The following CDH13 variants were observed in gnomAD, a reference collection of about 807,000 sequenced individuals.
The protein encoded by CDH13 is cadherin-13.
Under a neutral mutation model 63.8 loss-of-function variants are expected in CDH13, and 24 were observed. The observed-to-expected ratio is 0.38, with a 90% CI of 0.27 to 0.53. CDH13 has a LOEUF of 0.53. Ranked by LOEUF, CDH13 falls within the 20% of genes least tolerant of loss-of-function variation. The pLI is 0.85. For missense variants in CDH13, 1,049 were observed against 903.1 expected, an observed-to-expected ratio of 1.16 and a Z score of -2.07; for synonymous variants, 503 against 355.3, an observed-to-expected ratio of 1.42 and a Z score of -4.67.
chr16:83,488,914 T>C (rs1748597716), intron 7 of CDH13, among the ~76,000 whole-genome samples: 1 of 152,308 alleles, frequency 6.6e-6, no homozygotes, highest in African/African-American at 2.4e-5. Context: ...GATGAGCCAC[T>C]GCGCCCGGCC....
intron 6 of CDH13, among the ~76,000 whole-genome samples, chr16:83,353,167 G>A (rs11864066): frequency 1.3e-5 from 2 of 152,112 alleles, no homozygotes; most frequent in African/African-American, 4.8e-5. Context: ...CAAGACGTCA[G>A]CACTCTGCCA....
chr16:83,671,350 G>A (rs1260030557), intron 9 of CDH13, among the ~76,000 whole-genome samples: 2 of 152,158 alleles, frequency 1.3e-5, no homozygotes, highest in Non-Finnish European at 2.9e-5. Context: ...CTAGGTTCAA[G>A]TGATTCTCGT....
At chr16:82,878,921 A>G (rs764552540) in intron 2 of CDH13, among the ~76,000 whole-genome samples, 7 of 152,114 alleles carry the variant, frequency 4.6e-5, no homozygotes, top group Non-Finnish European at 8.8e-5. Context: ...GCTGCATGAG[A>G]TCCTCACCTT....
intron 4 of CDH13, among the ~76,000 whole-genome samples, chr16:83,125,862 G>C (rs1482279860): frequency 6.6e-6 from 1 of 152,116 alleles, no homozygotes; most frequent in African/African-American, 2.4e-5. Flanking sequence ...CCTTCACTGA[G>C]ATCCTGTTTT....
At chr16:82,910,680 T>C (rs921261897) in intron 2 of CDH13, among the ~76,000 whole-genome samples, 2 of 152,216 alleles carry the variant, frequency 1.3e-5, no homozygotes, top group Admixed American at 6.5e-5. Flanking sequence ...CACAGGTGTT[T>C]AGTGGTACTT....
chr16:83,220,035 A>C (rs2039649994), intron 5 of CDH13, among the ~76,000 whole-genome samples: 1 of 152,154 alleles, frequency 6.6e-6, no homozygotes, highest in African/African-American at 2.4e-5. Context: ...TTTCTTACAC[A>C]AGTACTTGGG....
chr16:83,714,444 G>A (rs985108094), intron 10 of CDH13, among the ~76,000 whole-genome samples: 1 of 152,176 alleles, frequency 6.6e-6, no homozygotes, highest in African/African-American at 2.4e-5. Flanking sequence ...GTGAGCTCAA[G>A]TGTGTTTTCA....
At chr16:83,414,960 G>A (rs1215310741) in intron 6 of CDH13, among the ~76,000 whole-genome samples, 1 of 151,960 alleles carries the variant, frequency 6.6e-6, no homozygotes, top group Admixed American at 6.6e-5. Context: ...GTGGGTTGCT[G>A]GGTCATATGG....
intron 10 of CDH13, chr16:83,725,829 T>C (rs1334546997): frequency 1.3e-5 from 2 of 152,240 alleles, no homozygotes; most frequent in Non-Finnish European, 2.9e-5. Flanking sequence ...CTTTCTGAGC[T>C]GGACAGAATA....
intron 1 of CDH13, among the ~76,000 whole-genome samples, chr16:82,645,685 A>C (rs1910006355): frequency 6.6e-6 from 1 of 152,190 alleles, no homozygotes. Context: ...TCCTGTTATT[A>C]CTAGGAGGCT....
At chr16:83,372,701 G>A (rs1282104158) in intron 6 of CDH13, among the ~76,000 whole-genome samples, 6 of 148,444 alleles carry the variant, frequency 4.0e-5, no homozygotes, top group East Asian at 2.0e-4. Context: ...GCAGTGAGCC[G>A]AGGTGGTGCC....
At chr16:83,020,808 G>A (rs1379027468) in intron 2 of CDH13, among the ~76,000 whole-genome samples, 1 of 152,126 alleles carries the variant, frequency 6.6e-6, no homozygotes, top group Non-Finnish European at 1.5e-5. Context: ...GAGGTAACTG[G>A]GAAATCACGA....
At chr16:83,748,398 A>C in intron 11 of CDH13, 148 bp downstream of exon 11, 1 of 685,252 alleles carries the variant, frequency 1.5e-6, no homozygotes. Flanking sequence ...AAATATACAC[A>C]TGTTGAGTTC....
At chr16:83,183,633 G>A (rs2038416827) in intron 4 of CDH13, among the ~76,000 whole-genome samples, 1 of 152,190 alleles carries the variant, frequency 6.6e-6, no homozygotes. Context: ...GTCAGGGTGT[G>A]TTTAGTTTGG....
At chr16:82,904,501 A>T (rs975065840) in intron 2 of CDH13, among the ~76,000 whole-genome samples, 9 of 152,212 alleles carry the variant, frequency 5.9e-5, no homozygotes, top group Admixed American at 1.3e-4. Flanking sequence ...GACGGGGGAA[A>T]ACTATTAGGT....
At chr16:83,204,539 T>C (rs959598751) in intron 4 of CDH13, among the ~76,000 whole-genome samples, 1 of 152,284 alleles carries the variant, frequency 6.6e-6, no homozygotes. Context: ...TATTTTCCAT[T>C]GTGCAGAAGA....
intron 2 of CDH13, among the ~76,000 whole-genome samples, chr16:82,936,583 C>T (rs1229806282): frequency 6.6e-6 from 1 of 152,134 alleles, no homozygotes; most frequent in Admixed American, 6.5e-5. Context: ...CCCCCACCTT[C>T]AGCATTTTTA....
At chr16:83,138,073 G>A (rs1283131708) in intron 4 of CDH13, among the ~76,000 whole-genome samples, 2 of 152,048 alleles carry the variant, frequency 1.3e-5, no homozygotes, top group African/African-American at 4.8e-5. Context: ...ACGCTTGAAT[G>A]TGGGTTTAAT....
chr16:83,161,768 C>G (rs1331133356), intron 4 of CDH13, among the ~76,000 whole-genome samples: 4 of 152,190 alleles, frequency 2.6e-5, no homozygotes, highest in Non-Finnish European at 4.4e-5. Context: ...CTCTTCCCTA[C>G]TAATTACATT....
Sources: gnomAD v4.1 joint callset for allele counts (sites outside exome capture counted in the v4.1 genomes callset) on GRCh38, gnomAD v4.1.1 for gene constraint, MANE v1.5 for transcripts, NCBI Gene and HGNC (gene_info 2026-07-23, HGNC 2026-07-21) for gene names.